The following BCAS3 variants were observed in gnomAD, a reference collection of about 807,000 sequenced individuals.
BCAS3 encodes the protein BCAS4/BCAS3 fusion.
Under a neutral mutation model 116.1 loss-of-function variants are expected in BCAS3, and 53 were observed. The ratio of observed to expected loss-of-function variants is 0.46; its 90% CI spans 0.37 to 0.57. The LOEUF (loss-of-function observed/expected upper bound fraction) is 0.57, where lower values mean the gene tolerates loss of function less well. BCAS3 is among the 20% of genes least tolerant of loss of function. BCAS3 has a pLI of 0.00. For synonymous variants in BCAS3, 391 were observed against 408.2 expected, an observed-to-expected ratio of 0.96 and a Z score of 0.51; for missense variants, 917 against 1,165.4, an observed-to-expected ratio of 0.79 and a Z score of 3.10.
Position 61,105,285 on chromosome 17 carries a change from C to T in BCAS3, c.2425+20721C>T, listed in dbSNP as rs964489047. Among the ~76,000 whole-genome samples the T allele has an allele frequency of 4.6e-5, 7 of 152,176 alleles. No individual in the cohort carries two copies. The highest frequency in any genetic ancestry group is 1.7e-4 in the African/African-American group (7 of 41,428). ...TCCTCAGACCTTTAATTTCTTTAAA[C>T]TAAATGATCACAGAAAAACCTAGGA... On this transcript the variant is annotated intron_variant, in intron 22 of 23. Coordinates refer to ENST00000407086, the MANE Select transcript of BCAS3 (RefSeq NM_017679.5). This position sits in a 1 kb window ranked among gnomAD's most constrained non-coding sequence, Gnocchi z 4.3.
At chr17:60,910,494 C>A in intron 11 of BCAS3, 38 bp from the exon 12 acceptor site, 1 of 1,474,856 alleles carries the variant, frequency 6.8e-7, no homozygotes, top group Non-Finnish European at 9.1e-7. Context: ...AATCCAAATA[C>A]TGATGTGAAG....
At chr17:60,701,100 C>T (rs767230622) in intron 4 of BCAS3, among the ~76,000 whole-genome samples, 11 of 152,010 alleles carry the variant, frequency 7.2e-5, no homozygotes, top group Non-Finnish European at 1.2e-4. Context: ...AAAAATTAGC[C>T]AGGCGTGGTG....
intron 22 of BCAS3, among the ~76,000 whole-genome samples, chr17:61,137,158 T>C (rs2076686882): frequency 6.6e-6 from 1 of 152,246 alleles, no homozygotes; most frequent in Non-Finnish European, 1.5e-5. Context: ...TCTTATTTAA[T>C]GCTGACTTCA....
chr17:60,848,606 C>T (rs2052743983), intron 7 of BCAS3, among the ~76,000 whole-genome samples: 1 of 152,022 alleles, frequency 6.6e-6, no homozygotes, highest in East Asian at 1.9e-4. Context: ...TGTCTTGTTC[C>T]TGATGTTAGG....
Position 61,286,927 on chromosome 17 carries a change from G to A in BCAS3, c.2426-81400G>A, listed in dbSNP as rs1459465901. Among the ~76,000 whole-genome samples, 3 of 152,152 alleles carry A rather than the reference G, an allele frequency of 2.0e-5. No individual in the cohort carries two copies. On this transcript the variant is annotated intron_variant, in intron 22 of 23. Coordinates refer to ENST00000407086, the MANE Select transcript of BCAS3 (RefSeq NM_017679.5). The surrounding 1 kb of genome is among the most constrained non-coding windows in gnomAD (Gnocchi z 4.8). ...GAGCCAGACACCAGAGATGCAACTA[G>A]AAAGATGCCATGGTCTTTACACCTA... is the stretch of plus-strand genomic sequence containing the variant.
chr17:60,868,711 G>T, intron 8 of BCAS3, 28 bp downstream of exon 8: 1 of 1,398,416 alleles, frequency 7.2e-7, no homozygotes, highest in Non-Finnish European at 9.9e-7. Context: ...GGTTTCTTGT[G>T]TAAAATAAGA....
At chr17:61,053,128 A>G (rs2069038981) in intron 19 of BCAS3, among the ~76,000 whole-genome samples, 2 of 152,162 alleles carry the variant, frequency 1.3e-5, no homozygotes, top group Admixed American at 1.3e-4. Context: ...TGGCATTTAC[A>G]TACAATAAAG....
rs2081572321 is a variant in BCAS3, at chr17:61,213,172, T to C, written c.2425+128608T>C. Among the ~76,000 whole-genome samples, 1 of 152,036 alleles carries C rather than the reference T, an allele frequency of 6.6e-6. No homozygotes were observed. Among genetic ancestry groups the C allele is most frequent in the Non-Finnish European group, 1.5e-5 (1 of 67,998 alleles). On this transcript the variant is annotated intron_variant, in intron 22 of 23. Coordinates refer to ENST00000407086, the MANE Select transcript of BCAS3 (RefSeq NM_017679.5). The surrounding 1 kb of genome is among the most constrained non-coding windows in gnomAD (Gnocchi z 5.4). ...ATATATTTTTGTTTGTTTGTTTGTT[T>C]TTTGTTTTTTGTTTTGAGATTGAGT... is the stretch of plus-strand genomic sequence containing the variant.
intron 7 of BCAS3, among the ~76,000 whole-genome samples, chr17:60,855,668 A>T (rs1415454896): frequency 6.6e-6 from 1 of 151,484 alleles, no homozygotes; most frequent in East Asian, 2.0e-4. Context: ...GTGGTATCTC[A>T]TAGTGATTTT....
intron 22 of BCAS3, among the ~76,000 whole-genome samples, chr17:61,310,841 G>A (rs1481522288): frequency 6.6e-6 from 1 of 152,024 alleles, no homozygotes; most frequent in Non-Finnish European, 1.5e-5. Flanking sequence ...GTGTGTGTAG[G>A]GGAGGCTCTG....
intron 4 of BCAS3, among the ~76,000 whole-genome samples, chr17:60,702,130 A>T (rs930818866): frequency 1.3e-5 from 2 of 152,236 alleles, no homozygotes; most frequent in African/African-American, 4.8e-5. Flanking sequence ...ATCTGTAATC[A>T]TGTAAACGTA....
At position 61,192,246 on chromosome 17, in the gene BCAS3, C is replaced by CAAAAAAAAAAAAAAAAAAA. The variant is rs60456812; in HGVS notation, c.2425+107698_2425+107699insAAAAAAAAAAAAAAAAAAA. Reference sequence around the variant, plus strand: ...GGGCGACAGAGCAAGGCTCTGTTACCAAAAAAAAAAAAAAAAGAAACATAG... The same window carrying CAAAAAAAAAAAAAAAAAAA: ...GGGCGACAGAGCAAGGCTCTGTTACCAAAAAAAAAAAAAAAAAAAAAAAAAAAAAAAAAAAGAAACATAG... On this transcript the variant is annotated intron_variant, in intron 22 of 23. Transcript: ENST00000407086. Among the ~76,000 whole-genome samples, 260 of 70,618 alleles carry CAAAAAAAAAAAAAAAAAAA rather than the reference C, an allele frequency of 3.7e-3. 18 individuals are homozygous for CAAAAAAAAAAAAAAAAAAA. Among genetic ancestry groups the CAAAAAAAAAAAAAAAAAAA allele is most frequent in the Non-Finnish European group, 5.2e-3 (185 of 35,794 alleles). 46.3% of individuals were successfully genotyped at this position (70,618 alleles called of 152,430 possible).
intron 22 of BCAS3, among the ~76,000 whole-genome samples, chr17:61,353,052 G>A (rs918832811): frequency 9.9e-5 from 15 of 152,156 alleles, no homozygotes; most frequent in African/African-American, 1.9e-4. Context: ...GGAGAGGGAG[G>A]AGAGGAAAGG....
At chr17:60,775,147 A>G (rs1452913666) in intron 6 of BCAS3, among the ~76,000 whole-genome samples, 2 of 152,234 alleles carry the variant, frequency 1.3e-5, no homozygotes, top group Non-Finnish European at 2.9e-5. Context: ...GTTAAGTTTC[A>G]AACACTTTGA....
At chr17:60,976,441 A>T (rs897351583) in intron 14 of BCAS3, among the ~76,000 whole-genome samples, 88 of 128,870 alleles carry the variant, frequency 6.8e-4, no homozygotes, top group East Asian at 4.5e-3. Flanking sequence ...ATATATATAT[A>T]TTTTTTTTTT....
In BCAS3 at chr17:60,770,638, C is replaced by T. The variant is rs187539818; in HGVS notation, c.403+23359C>T. On this transcript the variant is annotated intron_variant, in intron 6 of 23. Transcript: ENST00000407086. Reference sequence around the variant, plus strand: ...TTCACTGTGTTGGCCAGGATGGTCTCGATCTCCTGACCTCGTGATCTGCCT... The same window carrying T: ...TTCACTGTGTTGGCCAGGATGGTCTTGATCTCCTGACCTCGTGATCTGCCT... Among the ~76,000 whole-genome samples, 11 of 150,692 alleles carry T rather than the reference C, an allele frequency of 7.3e-5. No individual in the cohort carries two copies. In the East Asian group the frequency reaches 1.2e-3, roughly 16 times the overall value.
intron 22 of BCAS3, among the ~76,000 whole-genome samples, chr17:61,358,738 C>T (rs374987989): frequency 3.3e-5 from 5 of 152,020 alleles, no homozygotes; most frequent in Admixed American, 1.3e-4. Flanking sequence ...TCAGGTGATC[C>T]GCCTGCCTCA....
chr17:61,380,393 C>G lies in BCAS3; in HGVS notation c.2594-11584C>G, dbSNP rs2059549124. The G allele has an allele frequency of 2.1e-6, 2 of 957,766 alleles. No individual in the cohort carries two copies. Among genetic ancestry groups the G allele is most frequent in the African/African-American group, 1.6e-5 (1 of 61,796 alleles). The allele number at this position is 957,766 out of a possible 1,614,324, so 59.3% of individuals were successfully genotyped here. On this transcript the variant is annotated intron_variant, in intron 23 of 23. Transcript: ENST00000407086. The surrounding 1 kb of genome is among the most constrained non-coding windows in gnomAD (Gnocchi z 4.2). The stretch of plus-strand genomic sequence containing the variant: ...AGACCATGAACACCCCCGCAAAGCT[C>G]TCAGTGGTCAAACCAGATTTGGGTA...
chr17:60,927,287 C>T (rs2059412456), intron 13 of BCAS3, among the ~76,000 whole-genome samples: 1 of 149,796 alleles, frequency 6.7e-6, no homozygotes, highest in Non-Finnish European at 1.5e-5. Context: ...GACAGGGTCT[C>T]GCTCTTTTGC....
Sources: gnomAD v4.1 joint callset for allele counts (sites outside exome capture counted in the v4.1 genomes callset) on GRCh38, gnomAD v4.1.1 for gene constraint, Gnocchi (gnomAD v3.1) non-coding constraint, MANE v1.5 for transcripts, NCBI Gene and HGNC (gene_info 2026-07-23, HGNC 2026-07-21) for gene names.